Variants in PELI2 observed in about 807,000 individuals in gnomAD.
PELI2 encodes the protein pellino E3 ubiquitin protein ligase family member 2.
PELI2 carries 23 observed loss-of-function variants against 42.3 expected under a neutral mutation model. The ratio of observed to expected loss-of-function variants is 0.54; its 90% CI spans 0.39 to 0.77. PELI2 has a LOEUF of 0.77. PELI2 is among the 30% of genes least tolerant of loss of function. PELI2 has a pLI of 0.00. For missense variants in PELI2, 463 were observed against 553.2 expected (o/e 0.84, Z 1.64); for synonymous variants, 245 against 212.2 (o/e 1.15, Z -1.34).
At chr14:56,255,256 A>G (rs1035452246) in intron 2 of PELI2, among the ~76,000 whole-genome samples, 1 of 152,242 alleles carries the variant, frequency 6.6e-6, no homozygotes, top group Non-Finnish European at 1.5e-5. Context: ...TCAGTGATAG[A>G]CTGTATAAAG....
chr14:56,119,098 G>A, intron 1 of PELI2: 1 of 153,470 alleles, frequency 6.5e-6, no homozygotes, highest in African/African-American at 2.4e-5. Flanking sequence ...GGGAGGGCGG[G>A]CAGGGACTCC....
At chr14:56,202,836 A>G (rs1270557229) in intron 2 of PELI2, among the ~76,000 whole-genome samples, 1 of 152,194 alleles carries the variant, frequency 6.6e-6, no homozygotes, top group Non-Finnish European at 1.5e-5. Context: ...ATCATGGAGC[A>G]TTTTGCCAGA....
In PELI2 at chr14:56,230,249, A is replaced by G. The variant is rs146303468; in HGVS notation, c.208-49427A>G. 4.1e-3 allele frequency among the ~76,000 whole-genome samples: 621 copies of G among 152,326 alleles called. 4 individuals are homozygous for G. Among genetic ancestry groups the G allele is most frequent in the African/African-American group, 0.014 (594 of 41,572 alleles). On this transcript the variant is annotated intron_variant, in intron 2 of 5. Coordinates refer to ENST00000267460, the MANE Select transcript of PELI2 (RefSeq NM_021255.3). ...CATTCAAATTCATGAAATACAGAGA[A>G]TGCCACAAAGATACTCCTCTAGAAG...
chr14:56,193,283 G>A (rs1037199046), intron 2 of PELI2, among the ~76,000 whole-genome samples: 1 of 152,180 alleles, frequency 6.6e-6, no homozygotes. Context: ...GGGAGTATGG[G>A]CTGGAAGAAA....
intron 2 of PELI2, among the ~76,000 whole-genome samples, chr14:56,267,017 A>G (rs1194173689): frequency 6.6e-6 from 1 of 152,048 alleles, no homozygotes. Flanking sequence ...TGGTATAGGC[A>G]TAGACTTTTC....
At chr14:56,296,578 A>AT (rs764774760) in intron 5 of PELI2, 22 bp from the exon 6 acceptor site, 1 of 1,519,740 alleles carries the variant, frequency 6.6e-7, no homozygotes, top group Non-Finnish European at 8.9e-7. Context: ...TTTAAAAGGC[A>AT]TGTGTCTCAA....
chr14:56,147,647 T>G (rs1029598433), intron 1 of PELI2, among the ~76,000 whole-genome samples: 2 of 152,248 alleles, frequency 1.3e-5, no homozygotes, highest in African/African-American at 4.8e-5. Context: ...CCATGAAATC[T>G]GGGAAAATAC....
chr14:56,138,574 T>C (rs1184788201), intron 1 of PELI2, among the ~76,000 whole-genome samples: 1 of 152,198 alleles, frequency 6.6e-6, no homozygotes, highest in East Asian at 1.9e-4. Flanking sequence ...TTTTGACTTT[T>C]GTAACTTCGT....
At chr14:56,135,901 T>A (rs1283625901) in intron 1 of PELI2, among the ~76,000 whole-genome samples, 2 of 152,204 alleles carry the variant, frequency 1.3e-5, no homozygotes, top group Admixed American at 6.5e-5. Context: ...TGTAGAGGAT[T>A]TTTTTTAAAA....
intron 1 of PELI2, among the ~76,000 whole-genome samples, chr14:56,130,792 T>C (rs1883456443): frequency 6.6e-6 from 1 of 152,198 alleles, no homozygotes; most frequent in Non-Finnish European, 1.5e-5. Flanking sequence ...GCTGCCTTTG[T>C]CATCCAAAGT....
chr14:56,289,026 G>A lies in PELI2; in HGVS notation c.507+392G>A, dbSNP rs889481592. Among the ~76,000 whole-genome samples the A allele has an allele frequency of 4.8e-4, 73 of 152,182 alleles. 2 individuals carry two copies. The highest frequency in any genetic ancestry group is 1.8e-4 in the Non-Finnish European group (12 of 68,028). On this transcript the variant is annotated intron_variant, in intron 4 of 5. Transcript: ENST00000267460. Reference sequence around the variant, plus strand: ...AAAATGTTTTATGAGTGTTTGCTATGTTCCATACTGGGTGTTTTAGTTATG... The same window carrying A: ...AAAATGTTTTATGAGTGTTTGCTATATTCCATACTGGGTGTTTTAGTTATG...
intron 1 of PELI2, among the ~76,000 whole-genome samples, chr14:56,166,749 A>G (rs1884977809): frequency 6.6e-6 from 1 of 150,974 alleles, no homozygotes. Context: ...TTGGAGTTCC[A>G]TTGTATGTGA....
chr14:56,125,418 G>T (rs370593580), intron 1 of PELI2, among the ~76,000 whole-genome samples: 18 of 83,114 alleles, frequency 2.2e-4, no homozygotes, highest in South Asian at 3.9e-4. Context: ...GGGTGGGCAG[G>T]GGGGGGGTGA....
chr14:56,270,629 A>T (rs1466103167), intron 2 of PELI2, among the ~76,000 whole-genome samples: 1 of 152,240 alleles, frequency 6.6e-6, no homozygotes, highest in Non-Finnish European at 1.5e-5. Flanking sequence ...GTCCAAAAAA[A>T]TGTTATGGAC....
At chr14:56,283,820 C>T (rs906754778) in intron 3 of PELI2, among the ~76,000 whole-genome samples, 3 of 152,326 alleles carry the variant, frequency 2.0e-5, no homozygotes, top group African/African-American at 4.8e-5. Flanking sequence ...CATTCACAGA[C>T]TCACTGGACC....
intron 1 of PELI2, among the ~76,000 whole-genome samples, chr14:56,175,339 T>C (rs1206797204): frequency 6.6e-6 from 1 of 152,230 alleles, no homozygotes; most frequent in African/African-American, 2.4e-5. Flanking sequence ...TGAAGCCTTC[T>C]CTAATGCGTC....
At chr14:56,212,275 C>T (rs191648515) in intron 2 of PELI2, among the ~76,000 whole-genome samples, 46 of 152,312 alleles carry the variant, frequency 3.0e-4, no homozygotes, top group African/African-American at 1.1e-3. Context: ...TTCTACCCTA[C>T]GTTGCTTTGC....
At chr14:56,145,019 C>G in intron 1 of PELI2, 1 of 960,370 alleles carries the variant, frequency 1.0e-6, no homozygotes, top group Non-Finnish European at 1.2e-6. Context: ...TAGGTTAAGT[C>G]CTGGCTTCTA....
At chr14:56,226,434 C>T (rs1158460992) in intron 2 of PELI2, among the ~76,000 whole-genome samples, 2 of 152,190 alleles carry the variant, frequency 1.3e-5, no homozygotes, top group Non-Finnish European at 2.9e-5. Context: ...GTGCTTTGTC[C>T]TTTTCTGGTA....
Sources: gnomAD v4.1 joint callset for allele counts (sites outside exome capture counted in the v4.1 genomes callset) on GRCh38, gnomAD v4.1.1 for gene constraint, MANE v1.5 for transcripts, NCBI Gene and HGNC (gene_info 2026-07-23, HGNC 2026-07-21) for gene names.